The following POU2F1 variants were observed in gnomAD, a reference collection of about 807,000 sequenced individuals.
POU2F1 encodes the protein POU class 2 homeobox 1.
POU2F1 carries 16 observed loss-of-function variants against 84.9 expected under a neutral mutation model. That is an observed-to-expected ratio of 0.19 (90% confidence interval 0.13 to 0.29). The LOEUF is 0.29. POU2F1 is among the 10% of genes least tolerant of loss of function. The pLI, the probability that POU2F1 is intolerant of heterozygous loss-of-function variation, is 1.00. For missense variants in POU2F1, 738 were observed against 942.6 expected (o/e 0.78, Z 2.84); for synonymous variants, 368 against 368.3 (o/e 1.00, Z 0.01).
At chr1:167,238,843 A>G (rs1026008227) in intron 1 of POU2F1, among the ~76,000 whole-genome samples, 1 of 152,204 alleles carries the variant, frequency 6.6e-6, no homozygotes, top group Non-Finnish European at 1.5e-5. Flanking sequence ...GGTGCACATC[A>G]TTGAAGGTAG....
intron 1 of POU2F1, among the ~76,000 whole-genome samples, chr1:167,298,522 T>C (rs1002919324): frequency 2.0e-5 from 3 of 152,162 alleles, no homozygotes; most frequent in Non-Finnish European, 4.4e-5. Context: ...ATATTTCTTA[T>C]CGTAAAATAG....
intron 1 of POU2F1, among the ~76,000 whole-genome samples, chr1:167,276,841 T>C (rs1256929864): frequency 2.6e-5 from 4 of 151,378 alleles, no homozygotes; most frequent in Non-Finnish European, 2.9e-5. Context: ...AAGAAATGAG[T>C]AGATAGAACA....
chr1:167,280,028 A>G (rs1653011104), intron 1 of POU2F1, among the ~76,000 whole-genome samples: 1 of 152,044 alleles, frequency 6.6e-6, no homozygotes, highest in Non-Finnish European at 1.5e-5. Context: ...CAACATGGTG[A>G]AACCCCGTTT....
intron 1 of POU2F1, among the ~76,000 whole-genome samples, chr1:167,324,857 G>A (rs530243343): frequency 6.6e-5 from 10 of 152,262 alleles, no homozygotes; most frequent in East Asian, 5.8e-4. Context: ...TAGACATTCC[G>A]TTAAGTTATT....
In POU2F1 at chr1:167,338,886, G is replaced by A. The variant is rs190438092; in HGVS notation, c.127+6351G>A. ...TGTTGCAGTGAACTTTGGTGTACAA[G>A]TATCTGTTTGAGTTCCGTTTTTCAA... On this transcript the variant is annotated intron_variant, in intron 2 of 15. Transcript: ENST00000367866. 3.3e-5 allele frequency among the ~76,000 whole-genome samples: 5 copies of A among 152,304 alleles called. No homozygotes were observed. The East Asian group carries it at 9.6e-4, about 29-fold the overall frequency.
chr1:167,240,791 C>T (rs1032302100), intron 1 of POU2F1, among the ~76,000 whole-genome samples: 1 of 152,146 alleles, frequency 6.6e-6, no homozygotes, highest in African/African-American at 2.4e-5. Context: ...ATGTGGAAAT[C>T]CATTCAGAAC....
At chr1:167,259,858 T>C (rs140763336) in intron 1 of POU2F1, among the ~76,000 whole-genome samples, 95 of 152,298 alleles carry the variant, frequency 6.2e-4, no homozygotes, top group African/African-American at 2.1e-3. Context: ...AAGTATCTTT[T>C]CATATGCTTA....
rs1360775761 is a variant in POU2F1 at position 167,417,240 on chromosome 1, G to A, written c.*1430G>A. 2 of 152,142 alleles carry A rather than the reference G, an allele frequency of 1.3e-5. No individual in the cohort carries two copies. Among genetic ancestry groups the A allele is most frequent in the Non-Finnish European group, 2.9e-5 (2 of 68,018 alleles). 9.4% of individuals were successfully genotyped at this position (152,142 alleles called of 1,614,324 possible). A position where few individuals can be genotyped will look rare whatever the true frequency, so the allele number is the denominator to read the frequency against. On this transcript the variant is annotated 3_prime_UTR_variant, in exon 16 of 16. Transcript: ENST00000367866. Reference sequence around the variant, plus strand: ...GACTAAAGGAGGCACTTATTAGCCGGGCTGGGATCTGTAGAACCTTTGAAG... The same window carrying A: ...GACTAAAGGAGGCACTTATTAGCCGAGCTGGGATCTGTAGAACCTTTGAAG...
At chr1:167,343,835 G>T (rs1174263538) in intron 2 of POU2F1, among the ~76,000 whole-genome samples, 1 of 151,868 alleles carries the variant, frequency 6.6e-6, no homozygotes, top group Non-Finnish European at 1.5e-5. Flanking sequence ...TGAAAATGTT[G>T]TACTTGGGGT....
chr1:167,232,301 A>G (rs890642495), intron 1 of POU2F1, among the ~76,000 whole-genome samples: 1 of 152,354 alleles, frequency 6.6e-6, no homozygotes, highest in Admixed American at 6.5e-5. Flanking sequence ...ATAAGATTAT[A>G]ACAGAACTGA....
At chr1:167,406,199 C>T (rs1649563317) in intron 13 of POU2F1, among the ~76,000 whole-genome samples, 1 of 152,168 alleles carries the variant, frequency 6.6e-6, no homozygotes, top group Non-Finnish European at 1.5e-5. Context: ...GAGGATTTAT[C>T]TCCCAGGAAT....
At chr1:167,238,808 C>T (rs1192481698) in intron 1 of POU2F1, among the ~76,000 whole-genome samples, 1 of 152,180 alleles carries the variant, frequency 6.6e-6, no homozygotes, top group Non-Finnish European at 1.5e-5. Context: ...TACTGGGTTG[C>T]ATTGGGTTTG....
intron 1 of POU2F1, among the ~76,000 whole-genome samples, chr1:167,289,312 G>T (rs571116397): frequency 1.3e-5 from 2 of 152,316 alleles, no homozygotes; most frequent in East Asian, 3.9e-4. Flanking sequence ...TAAGGTTGCT[G>T]TACTGAACAT....
intron 1 of POU2F1, among the ~76,000 whole-genome samples, chr1:167,327,409 A>G (rs1656779122): frequency 1.3e-5 from 2 of 152,184 alleles, no homozygotes; most frequent in South Asian, 4.1e-4. Flanking sequence ...TCTCCTCATA[A>G]GCATTTTGTG....
intron 2 of POU2F1, among the ~76,000 whole-genome samples, chr1:167,338,775 A>G (rs1657645444): frequency 6.6e-6 from 1 of 152,308 alleles, no homozygotes; most frequent in East Asian, 1.9e-4. Flanking sequence ...AAGATATTCC[A>G]TTGTATGTAT....
At chr1:167,238,287 T>C (rs1170545112) in intron 1 of POU2F1, among the ~76,000 whole-genome samples, 1 of 152,192 alleles carries the variant, frequency 6.6e-6, no homozygotes, top group East Asian at 1.9e-4. Context: ...AGACCTAATA[T>C]AAAAATCTAA....
At chr1:167,349,139 A>G (rs1394138645) in intron 2 of POU2F1, among the ~76,000 whole-genome samples, 3 of 152,076 alleles carry the variant, frequency 2.0e-5, no homozygotes, top group African/African-American at 4.8e-5. Context: ...TACTTTTGGT[A>G]TAGAAATGCT....
chr1:167,399,968 CTTTTTTTTTTT>C (rs67562017), intron 12 of POU2F1, among the ~76,000 whole-genome samples: 1 of 61,376 alleles, frequency 1.6e-5, no homozygotes, highest in Non-Finnish European at 2.7e-5. Context: ...CATTCCCAGT[CTTTTTTTTTTT>C]TTTTTTTTTT....
chr1:167,269,241 A>G (rs903587209), intron 1 of POU2F1, among the ~76,000 whole-genome samples: 5 of 152,384 alleles, frequency 3.3e-5, no homozygotes, highest in African/African-American at 1.2e-4. Flanking sequence ...CATTTTCTAC[A>G]AACTTGAAAT....
Sources: gnomAD v4.1 joint callset for allele counts (sites outside exome capture counted in the v4.1 genomes callset) on GRCh38, gnomAD v4.1.1 for gene constraint, MANE v1.5 for transcripts, NCBI Gene and HGNC (gene_info 2026-07-23, HGNC 2026-07-21) for gene names.